The following TMEM163 variants were observed in gnomAD, a reference collection of about 807,000 sequenced individuals.
TMEM163 encodes transmembrane protein 163.
A neutral mutation model predicts 29.3 loss-of-function variants in TMEM163; 17 were observed. The ratio of observed to expected loss-of-function variants is 0.58; its 90% CI spans 0.40 to 0.87. The LOEUF (loss-of-function observed/expected upper bound fraction) is 0.87, where lower values mean the gene tolerates loss of function less well. TMEM163 is among the 40% of genes least tolerant of loss of function. TMEM163 has a pLI of 0.00. For missense variants in TMEM163, 303 were observed against 381.5 expected, an observed-to-expected ratio of 0.79 and a Z score of 1.71; for synonymous variants, 157 against 160.6, an observed-to-expected ratio of 0.98 and a Z score of 0.17.
intron 2 of TMEM163, among the ~76,000 whole-genome samples, chr2:134,556,894 A>G (rs766803162): frequency 6.6e-6 from 1 of 152,236 alleles, no homozygotes; most frequent in Non-Finnish European, 1.5e-5. Flanking sequence ...GGCATTGATA[A>G]TAAACAGATA....
intron 2 of TMEM163, among the ~76,000 whole-genome samples, chr2:134,671,201 G>C (rs557001630): frequency 6.6e-6 from 1 of 152,322 alleles, no homozygotes; most frequent in South Asian, 2.1e-4. Flanking sequence ...GTAGTTCTCA[G>C]GCTCCCAAAG....
At chr2:134,563,486 G>A (rs578058014) in intron 2 of TMEM163, among the ~76,000 whole-genome samples, 5 of 152,190 alleles carry the variant, frequency 3.3e-5, no homozygotes, top group East Asian at 3.9e-4. Context: ...AGCCACAAAC[G>A]AAGGAAATGT....
At position 134,516,780 on chromosome 2, in the gene TMEM163, C is replaced by CACATATATATGCATATATATGAAT. The variant is rs1553476344; in HGVS notation, c.459-13784_459-13783insATTCATATATATGCATATATATGT. Among the ~76,000 whole-genome samples, 244 of 139,452 alleles carry CACATATATATGCATATATATGAAT rather than the reference C, an allele frequency of 1.7e-3. 6 individuals carry two copies. In the East Asian group the frequency reaches 0.048, roughly 27 times the overall value. The allele number at this position is 139,452 out of a possible 152,430, so 91.5% of individuals were successfully genotyped here. ...ATAGATATATATGTGCATATCTATT[C>CACATATATATGCATATATATGAAT]ATATATATATGCATGTATGTATGAA... On this transcript the variant is annotated intron_variant, in intron 4 of 7. Coordinates refer to ENST00000281924, the MANE Select transcript of TMEM163 (RefSeq NM_030923.5).
At chr2:134,616,979 A>G (rs1682621037) in intron 2 of TMEM163, among the ~76,000 whole-genome samples, 1 of 152,242 alleles carries the variant, frequency 6.6e-6, no homozygotes, top group Non-Finnish European at 1.5e-5. Flanking sequence ...ATATGGTAAC[A>G]TGAATGCACA....
intron 4 of TMEM163, among the ~76,000 whole-genome samples, chr2:134,508,452 C>A (rs1679875503): frequency 6.6e-6 from 1 of 152,182 alleles, no homozygotes; most frequent in Non-Finnish European, 1.5e-5. Flanking sequence ...TATGACTGCA[C>A]AATTCCTAAT....
chr2:134,536,826 A>ACAGG (rs1680552273), intron 4 of TMEM163, among the ~76,000 whole-genome samples: 1 of 152,192 alleles, frequency 6.6e-6, no homozygotes, highest in Non-Finnish European at 1.5e-5. Flanking sequence ...CGGTTCCCTG[A>ACAGG]CAGGCTGTAA....
At chr2:134,521,839 G>A (rs532046304) in intron 4 of TMEM163, among the ~76,000 whole-genome samples, 12 of 152,264 alleles carry the variant, frequency 7.9e-5, no homozygotes, top group Non-Finnish European at 1.2e-4. Flanking sequence ...TAGGAGGCAG[G>A]CACTGGGGAG....
intron 4 of TMEM163, 100 bp from the exon 5 acceptor site, chr2:134,503,097 T>A: frequency 8.3e-7 from 1 of 1,209,602 alleles, no homozygotes. Context: ...GGGAATGAAC[T>A]CAATTGTAAT....
At chr2:134,548,448 G>C (rs1406657745) in intron 4 of TMEM163, among the ~76,000 whole-genome samples, 1 of 152,182 alleles carries the variant, frequency 6.6e-6, no homozygotes, top group African/African-American at 2.4e-5. Context: ...TAGAACCAAA[G>C]ATGACATGTT....
At chr2:134,602,576 C>G (rs778527344) in intron 2 of TMEM163, among the ~76,000 whole-genome samples, 1 of 152,198 alleles carries the variant, frequency 6.6e-6, no homozygotes, top group East Asian at 1.9e-4. Flanking sequence ...ATTGCCCTGA[C>G]GAGCACAGTA....
chr2:134,682,762 T>C (rs532401225), intron 2 of TMEM163, among the ~76,000 whole-genome samples: 1 of 152,254 alleles, frequency 6.6e-6, no homozygotes, highest in Admixed American at 6.5e-5. Context: ...AAAATTGTGC[T>C]CCTTGGTATC....
At position 134,589,808 on chromosome 2, in the gene TMEM163, C is replaced by A. The variant is rs538892306; in HGVS notation, c.323-37717G>T. On this transcript the variant is annotated intron_variant, in intron 2 of 7. Coordinates refer to ENST00000281924, the MANE Select transcript of TMEM163 (RefSeq NM_030923.5). The stretch of plus-strand genomic sequence containing the variant: ...TCATGGACTCGCCCTGAATTCTTTT[C>A]TTGCACGAGATCCAAGAACCCTCTC... Among the ~76,000 whole-genome samples the A allele has an allele frequency of 2.6e-5, 4 of 152,318 alleles. No individual in the cohort carries two copies. In the South Asian group the frequency reaches 8.3e-4, roughly 32 times the overall value.
chr2:134,632,909 ATTTTTTT>A (rs57488299), intron 2 of TMEM163, among the ~76,000 whole-genome samples: 13 of 118,638 alleles, frequency 1.1e-4, no homozygotes, highest in African/African-American at 1.6e-4. Flanking sequence ...CACCCAGCTA[ATTTTTTT>A]TTTTTTTTTT....
chr2:134,606,030 G>C (rs76811288), intron 2 of TMEM163, among the ~76,000 whole-genome samples: 6 of 152,202 alleles, frequency 3.9e-5, no homozygotes, highest in Non-Finnish European at 7.4e-5. Flanking sequence ...GAGTATACGC[G>C]GGGGGCAGTG....
chr2:134,647,841 G>C (rs1683368104), intron 2 of TMEM163, among the ~76,000 whole-genome samples: 1 of 152,232 alleles, frequency 6.6e-6, no homozygotes, highest in Admixed American at 6.5e-5. Flanking sequence ...AGTAGGTGCA[G>C]GAGCCAGGGC....
intron 4 of TMEM163, among the ~76,000 whole-genome samples, chr2:134,547,876 C>T (rs1680826245): frequency 6.6e-6 from 1 of 152,170 alleles, no homozygotes; most frequent in Non-Finnish European, 1.5e-5. Context: ...AAAGACATTT[C>T]TCATCATCAA....
At chr2:134,472,485 C>T (rs1370491956) in intron 5 of TMEM163, among the ~76,000 whole-genome samples, 1 of 152,232 alleles carries the variant, frequency 6.6e-6, no homozygotes, top group African/African-American at 2.4e-5. Context: ...AACAGTCTCT[C>T]ATACAATTCT....
chr2:134,566,369 C>G (rs906000131), intron 2 of TMEM163, among the ~76,000 whole-genome samples: 9 of 152,026 alleles, frequency 5.9e-5, no homozygotes, highest in African/African-American at 2.2e-4. Flanking sequence ...CGAGACCAGC[C>G]CAGCCAATAT....
chr2:134,526,032 C>G (rs141752898), intron 4 of TMEM163, among the ~76,000 whole-genome samples: 37 of 152,340 alleles, frequency 2.4e-4, no homozygotes, highest in Middle Eastern at 3.4e-3. Context: ...AGCTGGAGAA[C>G]TGGCTCAGGC....
Sources: gnomAD v4.1 joint callset for allele counts (sites outside exome capture counted in the v4.1 genomes callset) on GRCh38, gnomAD v4.1.1 for gene constraint, MANE v1.5 for transcripts, NCBI Gene and HGNC (gene_info 2026-07-23, HGNC 2026-07-21) for gene names.